ANK3: variants seen among roughly 807,000 people sequenced by gnomAD.
The protein encoded by ANK3 is ankyrin 3.
A neutral mutation model predicts 370.9 loss-of-function variants in ANK3; 57 were observed. That is an observed-to-expected ratio of 0.15 (90% CI 0.12 to 0.19). The LOEUF is 0.19. Among genes scored for constraint, ANK3 ranks in the 10% least tolerant of loss-of-function variants. ANK3 has a pLI of 1.00. For synonymous variants in ANK3, 1,929 were observed against 1,946.3 expected (o/e 0.99, Z 0.23); for missense variants, 4,439 against 5,302.1 (o/e 0.84, Z 5.06).
At chr10:60,330,874 C>T (rs1207695158) in intron 1 of ANK3, among the ~76,000 whole-genome samples, 1 of 152,142 alleles carries the variant, frequency 6.6e-6, no homozygotes, top group African/African-American at 2.4e-5. Flanking sequence ...CCCAAATGCC[C>T]ATCAATGTTA....
intron 1 of ANK3, among the ~76,000 whole-genome samples, chr10:60,703,668 C>T (rs548417958): frequency 6.6e-6 from 1 of 151,768 alleles, no homozygotes; most frequent in African/African-American, 2.4e-5. Flanking sequence ...TCAAAAATAC[C>T]GAAAAGCATA....
At chr10:60,489,901 T>C (rs10994379) in intron 2 of ANK3, among the ~76,000 whole-genome samples, 19,795 of 152,116 alleles carry the variant, frequency 0.13, 1,504 homozygotes, top group African/African-American at 0.21. Context: ...CTGAACAGGA[T>C]AAAAACATTT....
chr10:60,206,908 T>C (rs1179602981), intron 10 of ANK3, among the ~76,000 whole-genome samples: 3 of 152,162 alleles, frequency 2.0e-5, no homozygotes, highest in African/African-American at 7.2e-5. Context: ...CTCAGACCAT[T>C]TGGCCACAGT....
chr10:60,713,268 A>T (rs888823448), intron 1 of ANK3, among the ~76,000 whole-genome samples: 1 of 152,208 alleles, frequency 6.6e-6, no homozygotes, highest in Non-Finnish European at 1.5e-5. Context: ...CTCTCACACC[A>T]CAATGAAATT....
chr10:60,593,757 G>T (rs1213353904), intron 2 of ANK3, among the ~76,000 whole-genome samples: 1 of 152,196 alleles, frequency 6.6e-6, no homozygotes, highest in Non-Finnish European at 1.5e-5. Context: ...GAACTGTGGT[G>T]AAGTGGATGG....
At chr10:60,553,059 C>A (rs1280286032) in intron 2 of ANK3, among the ~76,000 whole-genome samples, 1 of 152,148 alleles carries the variant, frequency 6.6e-6, no homozygotes, top group Non-Finnish European at 1.5e-5. Context: ...TGCCTAGTCT[C>A]AGCTATGTCT....
chr10:60,353,567 T>C (rs2057275725), intron 1 of ANK3, among the ~76,000 whole-genome samples: 1 of 152,136 alleles, frequency 6.6e-6, no homozygotes, highest in South Asian at 2.1e-4. Flanking sequence ...GTGAGGGAAC[T>C]CTGTTTTGAA....
chr10:60,368,716 G>A (rs1419371092), intron 1 of ANK3, among the ~76,000 whole-genome samples: 5 of 152,188 alleles, frequency 3.3e-5, no homozygotes, highest in African/African-American at 1.2e-4. Flanking sequence ...ATGCTGTCAT[G>A]TGTTTTAGAA....
At chr10:60,484,742 T>C (rs1218720544) in intron 2 of ANK3, among the ~76,000 whole-genome samples, 1 of 152,194 alleles carries the variant, frequency 6.6e-6, no homozygotes, top group African/African-American at 2.4e-5. Flanking sequence ...CTTCCACCTA[T>C]CACACATTAG....
At chr10:60,345,437 T>A (rs1352309782) in intron 1 of ANK3, among the ~76,000 whole-genome samples, 1 of 152,160 alleles carries the variant, frequency 6.6e-6, no homozygotes, top group Non-Finnish European at 1.5e-5. Flanking sequence ...TAAAGAGTAC[T>A]GAAAGGGTAA....
At chr10:60,240,306 A>ATATATATATATATATTTT (rs11282162) in intron 7 of ANK3, among the ~76,000 whole-genome samples, 1 of 119,770 alleles carries the variant, frequency 8.3e-6, no homozygotes, top group Non-Finnish European at 1.7e-5. Context: ...ATATATATAT[A>ATATATATATATATATTTT]TTTTTTTTTC....
intron 2 of ANK3, among the ~76,000 whole-genome samples, chr10:60,487,521 T>C (rs972701729): frequency 1.3e-5 from 2 of 152,150 alleles, no homozygotes; most frequent in African/African-American, 4.8e-5. Flanking sequence ...TCTTAAATTT[T>C]AGTGCACCTG....
At chr10:60,420,726 T>C (rs549265535) in intron 2 of ANK3, among the ~76,000 whole-genome samples, 40 of 152,246 alleles carry the variant, frequency 2.6e-4, no homozygotes, top group African/African-American at 7.0e-4. Flanking sequence ...AGCATCTGGC[T>C]ATCTTCTGGC....
At chr10:60,669,737 G>A (rs574333563) in intron 1 of ANK3, among the ~76,000 whole-genome samples, 9 of 152,140 alleles carry the variant, frequency 5.9e-5, no homozygotes, top group South Asian at 2.1e-4. Context: ...CCTCTCTATC[G>A]AACCTTGAAA....
At chr10:60,659,816 T>G (rs532505017) in intron 1 of ANK3, among the ~76,000 whole-genome samples, 2 of 152,166 alleles carry the variant, frequency 1.3e-5, no homozygotes, top group African/African-American at 4.8e-5. Flanking sequence ...TCTAGAAAGC[T>G]TAAAAAATGG....
intron 2 of ANK3, among the ~76,000 whole-genome samples, chr10:60,547,829 T>C (rs2077002742): frequency 6.6e-6 from 1 of 152,138 alleles, no homozygotes; most frequent in African/African-American, 2.4e-5. Context: ...CTCTTCAAAG[T>C]AGTATGAAAC....
intron 1 of ANK3, among the ~76,000 whole-genome samples, chr10:60,658,282 A>G (rs906417311): frequency 1.3e-5 from 2 of 149,898 alleles, no homozygotes; most frequent in African/African-American, 2.4e-5. Context: ...CTTGTTTTCT[A>G]TTAATCAAGT....
At chr10:60,390,883 T>G (rs1436620818), upstream of ANK3, among the ~76,000 whole-genome samples, 4 of 152,132 alleles carry the variant, frequency 2.6e-5, no homozygotes, top group Non-Finnish European at 5.9e-5. Context: ...GGTCGGTGCA[T>G]TTGACTTTGT....
At chr10:60,204,360 A>G (rs968004628) in intron 11 of ANK3, among the ~76,000 whole-genome samples, 3 of 152,162 alleles carry the variant, frequency 2.0e-5, no homozygotes, top group African/African-American at 7.2e-5. Context: ...CCAAGAATTT[A>G]CTTTTATTTT....
Sources: allele counts gnomAD v4.1 joint callset (sites outside exome capture counted in the v4.1 genomes callset), GRCh38; gene constraint gnomAD v4.1.1; transcripts MANE v1.5; gene names NCBI Gene and HGNC (gene_info 2026-07-23, HGNC 2026-07-21).